Variants in ARSL observed in about 807,000 individuals in gnomAD.
The protein encoded by ARSL is arylsulfatase L.
A neutral mutation model predicts 31.1 loss-of-function variants in ARSL; 4 were observed. The ratio of observed to expected loss-of-function variants is 0.13; its 90% CI spans 0.06 to 0.29. The LOEUF is 0.29. Among genes scored for constraint, ARSL ranks in the 10% least tolerant of loss-of-function variants. ARSL has a pLI of 1.00. For missense variants in ARSL, 312 were observed against 497.8 expected, an observed-to-expected ratio of 0.63 and a Z score of 3.55; for synonymous variants, 198 against 209.9, an observed-to-expected ratio of 0.94 and a Z score of 0.49.
intron 5 of ARSL, among the ~76,000 whole-genome samples, chrX:2,951,371 C>A (rs1170313128): frequency 9.0e-6 from 1 of 110,944 alleles, no homozygotes; most frequent in Non-Finnish European, 1.9e-5. Context: ...CATGTAGCCA[C>A]TACTATGGTG....
intron 4 of ARSL, among the ~76,000 whole-genome samples, chrX:2,954,216 C>T (rs1266635696): frequency 1.8e-5 from 2 of 111,151 alleles, no homozygotes; most frequent in African/African-American, 6.5e-5. Context: ...ATGATTCTAA[C>T]GTACTGACAA....
At chrX:2,935,723 T>G (rs749258909) in intron 10 of ARSL, among the ~76,000 whole-genome samples, 12 of 104,891 alleles carry the variant, frequency 1.1e-4, no homozygotes, top group African/African-American at 4.1e-4. Flanking sequence ...AGACAGAGTC[T>G]TGCTCTGTCG....
At chrX:2,944,415 T>C (rs779401190) in intron 7 of ARSL, among the ~76,000 whole-genome samples, 13 of 101,293 alleles carry the variant, frequency 1.3e-4, no homozygotes, top group South Asian at 4.7e-4. Flanking sequence ...GACCGTGCCA[T>C]TGCACTCCAG....
chrX:2,945,738 G>A (rs1220952058), intron 7 of ARSL, among the ~76,000 whole-genome samples: 4 of 111,784 alleles, frequency 3.6e-5, no homozygotes, highest in African/African-American at 9.8e-5. Context: ...TCTGTCTAGG[G>A]AGTGGACAGC....
chrX:2,963,644 G>A (rs972257819), intron 1 of ARSL, among the ~76,000 whole-genome samples: 3 of 99,724 alleles, frequency 3.0e-5, no homozygotes, highest in Admixed American at 2.3e-4. Context: ...GGGCTCAAGC[G>A]ATCCTCCTAC....
At chrX:2,935,427 G>C (rs774829909) in intron 10 of ARSL, among the ~76,000 whole-genome samples, 4 of 112,278 alleles carry the variant, frequency 3.6e-5, no homozygotes, top group Non-Finnish European at 7.5e-5. Context: ...AGAGAAAGAA[G>C]TTACAAAAGA....
Position 2,960,431 on chromosome X carries a change from T to C in ARSL, c.-20-11A>G, listed in dbSNP as rs1371941715. On this transcript the variant is annotated splice_polypyrimidine_tract_variant and intron_variant, in intron 1 of 10. Coordinates refer to ENST00000381134, the MANE Select transcript of ARSL (RefSeq NM_000047.3). ...CTCTCTCTCTACTTCCTGTAAGACATAAAGATGTCCACAATCACATTGACA... is the reference window on the plus strand; with the variant it reads ...CTCTCTCTCTACTTCCTGTAAGACACAAAGATGTCCACAATCACATTGACA... The C allele has an allele frequency of 8.3e-7, 1 of 1,204,417 alleles. No homozygotes were observed. The highest frequency in any genetic ancestry group is 1.8e-5 in the South Asian group (1 of 56,286).
At chrX:2,961,222 C>T (rs2089628574) in intron 1 of ARSL, among the ~76,000 whole-genome samples, 1 of 111,251 alleles carries the variant, frequency 9.0e-6, no homozygotes, top group Non-Finnish European at 1.9e-5. Context: ...CACAGAGGGG[C>T]GGCCCCTCAG....
In ARSL at chrX:2,938,174, C is replaced by T. The variant is rs1299552943; in HGVS notation, c.1210G>A (p.Val404Met). Reference protein sequence around the residue: ...RWPGVLPAGRVIGEPTSLMDV... With the variant: ...RWPGVLPAGRMIGEPTSLMDV... ...ATCAGACTCGTGGGCTCGCCAATCACTCGGCCGGCCGGGAGCACCCCGGGC... is the reference window on the plus strand; with the variant it reads ...ATCAGACTCGTGGGCTCGCCAATCATTCGGCCGGCCGGGAGCACCCCGGGC... The change falls in exon 9 of 11, where the codon GTG (valine) becomes ATG (methionine). Residue 404 changes from valine (V) to methionine (M), a missense_variant. Physicochemically the swap from Val to Met is conservative, Grantham distance 21. Transcript: ENST00000381134. 2.5e-6 allele frequency: 3 copies of T among 1,212,135 alleles called. No homozygotes were observed. Among genetic ancestry groups the T allele is most frequent in the Non-Finnish European group, 3.3e-6 (3 of 895,638 alleles).
At chrX:2,949,239 C>A (rs1426687170) in intron 6 of ARSL, 65 bp downstream of exon 6, 8 of 1,165,169 alleles carry the variant, frequency 6.9e-6, no homozygotes, top group Non-Finnish European at 9.3e-6. Flanking sequence ...CTGAAGAAGA[C>A]TATTTAGGAT....
intron 8 of ARSL, among the ~76,000 whole-genome samples, chrX:2,940,121 G>C (rs1254680741): frequency 1.0e-4 from 11 of 109,225 alleles, no homozygotes. Flanking sequence ...GCCTGCCTCG[G>C]TCTCCCAAAG....
chrX:2,958,156 G>A (rs764321222), intron 3 of ARSL, 118 bp downstream of exon 3: 535 of 997,469 alleles, frequency 5.4e-4, no homozygotes, highest in Non-Finnish European at 7.2e-4. Context: ...AAACGCAGAA[G>A]TGCAGAACTC....
chrX:2,945,011 G>T (rs770597334), intron 7 of ARSL, among the ~76,000 whole-genome samples: 1 of 110,128 alleles, frequency 9.1e-6, no homozygotes, highest in Admixed American at 9.8e-5. Flanking sequence ...AGAATAAGAA[G>T]AAGAAGAAGA....
chrX:2,954,932 G>A (rs746248641), intron 4 of ARSL, among the ~76,000 whole-genome samples: 4 of 111,877 alleles, frequency 3.6e-5, no homozygotes, highest in African/African-American at 1.3e-4. Flanking sequence ...TACAATTTCC[G>A]TGGGCTTTCA....
upstream of ARSL, among the ~76,000 whole-genome samples, chrX:2,966,866 A>G (rs1353534751): frequency 9.1e-6 from 1 of 110,321 alleles, no homozygotes; most frequent in East Asian, 2.8e-4. Context: ...ACATCTACAT[A>G]CATGTTTATG....
At position 2,934,871 on chromosome X, in the gene ARSL, G is replaced by A; in HGVS notation, c.1731C>T (p.Phe577=). 1 of 1,199,647 alleles carries A rather than the reference G, an allele frequency of 8.3e-7. No homozygotes were observed. Among genetic ancestry groups the A allele is most frequent in the Non-Finnish European group, 1.1e-6 (1 of 887,274 alleles). ...CTTCCCTAAGGCACCAGCAGAGGGG[G>A]AACGGGCCACAGCAGGGCTGCAGCC... ...RPWLQPCCGP[F]PLCWCLREDD... The change falls in exon 11 of 11, where the codon TTC becomes TTT. Residue 577 remains phenylalanine, a synonymous_variant. Transcript: ENST00000381134.
intron 8 of ARSL, among the ~76,000 whole-genome samples, chrX:2,941,277 T>C (rs1188348094): frequency 6.4e-5 from 6 of 93,780 alleles, no homozygotes; most frequent in African/African-American, 2.5e-4. Flanking sequence ...TTTTTTGAGA[T>C]GGAGTTTCGC....
intron 5 of ARSL, chrX:2,952,753 T>C (rs781424537): frequency 7.3e-6 from 1 of 137,055 alleles, no homozygotes; most frequent in East Asian, 2.1e-4. Context: ...GAAGCAATTA[T>C]GTGTTGTGCA....
chrX:2,939,864 C>CTTTTTTTTTT (rs35373572), intron 8 of ARSL, among the ~76,000 whole-genome samples: 1 of 55,413 alleles, frequency 1.8e-5, no homozygotes, highest in Non-Finnish European at 3.2e-5. Context: ...ACCCTTCTAC[C>CTTTTTTTTTT]TTTTTTTTTT....
Sources: allele counts gnomAD v4.1 joint callset (sites outside exome capture counted in the v4.1 genomes callset), GRCh38; gene constraint gnomAD v4.1.1; transcripts MANE v1.5; gene names NCBI Gene and HGNC (gene_info 2026-07-23, HGNC 2026-07-21).